JAKMIP2: variants seen among roughly 807,000 people sequenced by gnomAD.
The protein encoded by JAKMIP2 is janus kinase and microtubule-interacting protein 2.
In JAKMIP2, 25 loss-of-function variants were observed where a neutral mutation model predicts 115.0. The observed-to-expected ratio is 0.22, with a 90% CI of 0.16 to 0.30. The LOEUF (loss-of-function observed/expected upper bound fraction) is 0.30. Among genes scored for constraint, JAKMIP2 ranks in the 10% least tolerant of loss-of-function variants. The pLI is 1.00. For synonymous variants in JAKMIP2, 334 were observed against 343.6 expected (o/e 0.97, Z 0.31); for missense variants, 642 against 957.6 (o/e 0.67, Z 4.35).
chr5:147,656,152 A>G (rs544732466), intron 3 of JAKMIP2, among the ~76,000 whole-genome samples: 25 of 152,252 alleles, frequency 1.6e-4, no homozygotes, highest in Non-Finnish European at 3.4e-4. Context: ...ATGTGGCATG[A>G]GAATAATGTG....
At chr5:147,605,027 C>T (rs972037301) in intron 20 of JAKMIP2, among the ~76,000 whole-genome samples, 5 of 151,498 alleles carry the variant, frequency 3.3e-5, no homozygotes, top group African/African-American at 1.2e-4. Flanking sequence ...AACCTGTGCC[C>T]GTATGTTCTC....
At chr5:147,731,443 T>G (rs960529805) in intron 1 of JAKMIP2, among the ~76,000 whole-genome samples, 1 of 152,192 alleles carries the variant, frequency 6.6e-6, no homozygotes, top group African/African-American at 2.4e-5. Flanking sequence ...TCTGAAGCCT[T>G]GGGAATAAAT....
chr5:147,713,903 C>A (rs1172122591), intron 1 of JAKMIP2, among the ~76,000 whole-genome samples: 2 of 152,142 alleles, frequency 1.3e-5, no homozygotes, highest in African/African-American at 4.8e-5. Flanking sequence ...GTACTCATGA[C>A]GACTGCAGCC....
intron 1 of JAKMIP2, among the ~76,000 whole-genome samples, chr5:147,690,841 T>G (rs1033083731): frequency 1.3e-5 from 2 of 151,854 alleles, no homozygotes; most frequent in Admixed American, 1.3e-4. Context: ...TGACCACAAC[T>G]CTGACAAATT....
intron 1 of JAKMIP2, among the ~76,000 whole-genome samples, chr5:147,722,845 G>A (rs1753368190): frequency 6.6e-6 from 1 of 150,744 alleles, no homozygotes; most frequent in Non-Finnish European, 1.5e-5. Flanking sequence ...AGAAAAGAAA[G>A]TTCATTTCCA....
chr5:147,705,158 G>C (rs1490996916), intron 1 of JAKMIP2, among the ~76,000 whole-genome samples: 1 of 152,160 alleles, frequency 6.6e-6, no homozygotes, highest in Non-Finnish European at 1.5e-5. Context: ...CATTATAAGT[G>C]TGTGAAAAAC....
intron 1 of JAKMIP2, among the ~76,000 whole-genome samples, chr5:147,775,417 A>T (rs955860834): frequency 6.6e-6 from 1 of 152,220 alleles, no homozygotes; most frequent in African/African-American, 2.4e-5. Flanking sequence ...TGCTTATAAT[A>T]ATTAAATTAC....
At chr5:147,693,238 G>A (rs1484557001) in intron 1 of JAKMIP2, among the ~76,000 whole-genome samples, 1 of 152,034 alleles carries the variant, frequency 6.6e-6, no homozygotes, top group East Asian at 1.9e-4. Flanking sequence ...TGTGACCTTG[G>A]GCATGTTACT....
At chr5:147,702,649 A>AG (rs1491403104) in intron 1 of JAKMIP2, among the ~76,000 whole-genome samples, 1 of 119,686 alleles carries the variant, frequency 8.4e-6, no homozygotes, top group East Asian at 2.7e-4. Context: ...AGAAAGAAAG[A>AG]AAGAAAGAAA....
chr5:147,632,955 C>T (rs960349060), intron 12 of JAKMIP2, among the ~76,000 whole-genome samples, 177 bp from the exon 13 acceptor site: 10 of 152,068 alleles, frequency 6.6e-5, no homozygotes, highest in African/African-American at 1.7e-4. Flanking sequence ...AGTTATCCTT[C>T]GGTTGAGTTT....
Position 147,617,843 on chromosome 5 carries a change from C to T in JAKMIP2, c.2346+68G>A, listed in dbSNP as rs558695831. 485 of 1,252,988 alleles carry T rather than the reference C, an allele frequency of 3.9e-4. 4 individuals carry two copies. In the South Asian group the frequency reaches 5.1e-3, roughly 13 times the overall value. The allele number at this position is 1,252,988 out of a possible 1,614,324, so 77.6% of individuals were successfully genotyped here. ...GCTTCTCCGTACCCATACTCAATAC[C>T]GTGTACCTAGTACTAAGTTCCATTT... On this transcript the variant is annotated intron_variant, in intron 19 of 21. Coordinates refer to ENST00000616793, the MANE Select transcript of JAKMIP2 (RefSeq NM_001270941.2).
intron 1 of JAKMIP2, among the ~76,000 whole-genome samples, chr5:147,740,806 A>T (rs1754117310): frequency 6.6e-6 from 1 of 152,138 alleles, no homozygotes; most frequent in Non-Finnish European, 1.5e-5. Context: ...AAAGGGTCTT[A>T]TTTTCATTAC....
chr5:147,639,619 G>C lies in JAKMIP2; in HGVS notation c.1530+13C>G, dbSNP rs1317581895. ...CACGCTAATTCAGAGCACTCTCACA[G>C]ATACACACTAACCTTGGCTTCTCGT... On this transcript the variant is annotated intron_variant, in intron 10 of 21. Transcript: ENST00000616793. 6.2e-7 allele frequency: 1 copy of C among 1,610,178 alleles called. No homozygotes were observed. The highest frequency in any genetic ancestry group is 8.5e-7 in the Non-Finnish European group (1 of 1,178,612).
chr5:147,618,750 A>G (rs1457056178), intron 18 of JAKMIP2, among the ~76,000 whole-genome samples: 2 of 152,144 alleles, frequency 1.3e-5, no homozygotes, highest in Non-Finnish European at 2.9e-5. Flanking sequence ...AACAACAGCA[A>G]CAAAAAACAA....
Position 147,652,250 on chromosome 5 carries a change from G to A in JAKMIP2, c.628-1703C>T, listed in dbSNP as rs762738402. On this transcript the variant is annotated intron_variant, in intron 3 of 21. Transcript: ENST00000616793. ...CATATGTCTAGTAAGTTGTGAAGCC[G>A]TATTTTTAATGGAATCTTCTAACTA... Among the ~76,000 whole-genome samples, 7 of 152,136 alleles carry A rather than the reference G, an allele frequency of 4.6e-5. No homozygotes were observed. In the South Asian group the frequency reaches 1.0e-3, roughly 23 times the overall value.
At chr5:147,669,185 A>T (rs1169722819) in intron 2 of JAKMIP2, among the ~76,000 whole-genome samples, 1 of 152,206 alleles carries the variant, frequency 6.6e-6, no homozygotes, top group East Asian at 1.9e-4. Flanking sequence ...ATTTATTTAT[A>T]ATAAAAGTGC....
At chr5:147,616,957 C>T (rs761138776) in intron 19 of JAKMIP2, among the ~76,000 whole-genome samples, 6 of 152,140 alleles carry the variant, frequency 3.9e-5, no homozygotes, top group East Asian at 1.9e-4. Context: ...GATGACCACA[C>T]GATTCTTACC....
At chr5:147,646,842 A>G (rs1758158133) in intron 5 of JAKMIP2, among the ~76,000 whole-genome samples, 1 of 151,614 alleles carries the variant, frequency 6.6e-6, no homozygotes, top group Admixed American at 6.6e-5. Context: ...ATATTAATTT[A>G]TATTCATCTA....
intron 7 of JAKMIP2, among the ~76,000 whole-genome samples, chr5:147,643,134 A>C (rs1418475655): frequency 2.0e-5 from 3 of 152,072 alleles, no homozygotes; most frequent in Non-Finnish European, 4.4e-5. Flanking sequence ...TTATATATAC[A>C]TCTATCCTAT....
Sources: gnomAD v4.1 joint callset for allele counts (sites outside exome capture counted in the v4.1 genomes callset) on GRCh38, gnomAD v4.1.1 for gene constraint, MANE v1.5 for transcripts, NCBI Gene and HGNC (gene_info 2026-07-23, HGNC 2026-07-21) for gene names.